The following PTCHD4 variants were observed in gnomAD, a reference collection of about 807,000 sequenced individuals.
PTCHD4 encodes the protein patched domain containing 4.
PTCHD4 carries 33 observed loss-of-function variants against 58.1 expected under a neutral mutation model. The observed-to-expected ratio is 0.57, with a 90% CI of 0.43 to 0.76. The LOEUF (loss-of-function observed/expected upper bound fraction) is 0.76, where lower values mean the gene tolerates loss of function less well. PTCHD4 is among the 30% of genes least tolerant of loss of function. PTCHD4 has a pLI of 0.00. For missense variants in PTCHD4, 1,058 were observed against 1,027.1 expected (o/e 1.03, Z -0.41); for synonymous variants, 478 against 409.6 (o/e 1.17, Z -2.02).
chr6:47,941,100 C>T (rs1377096273), intron 4 of PTCHD4, among the ~76,000 whole-genome samples: 2 of 152,232 alleles, frequency 1.3e-5, no homozygotes, highest in African/African-American at 2.4e-5. Flanking sequence ...TCCGTACTCA[C>T]TCTCCCTCGT....
At chr6:48,042,812 C>T (rs1025377575) in intron 3 of PTCHD4, among the ~76,000 whole-genome samples, 2 of 151,944 alleles carry the variant, frequency 1.3e-5, no homozygotes, top group Admixed American at 1.3e-4. Flanking sequence ...ATAAATATTA[C>T]ATCTATCAAT....
chr6:47,864,329 C>CAT lies in PTCHD4; in HGVS notation c.*13972_*13973dup, dbSNP rs1554146205. Among the ~76,000 whole-genome samples the CAT allele has an allele frequency of 2.6e-5, 4 of 151,116 alleles. No individual in the cohort carries two copies. Among genetic ancestry groups the CAT allele is most frequent in the East Asian group, 2.0e-4 (1 of 5,126 alleles). On this transcript the variant is annotated 3_prime_UTR_variant, in exon 5 of 5. Coordinates refer to ENST00000339488, the MANE Select transcript of PTCHD4 (RefSeq NM_001384253.1). ...AGATATATATATACACACACACACACATATATATATATGGCTATTTCACCT... is the reference window on the plus strand; with the variant it reads ...AGATATATATATACACACACACACACATATATATATATATGGCTATTTCACCT...
chr6:48,008,226 C>T (rs1409591460), intron 4 of PTCHD4, among the ~76,000 whole-genome samples: 1 of 152,086 alleles, frequency 6.6e-6, no homozygotes, highest in African/African-American at 2.4e-5. Flanking sequence ...CATCATTGGT[C>T]CTCAGAATTT....
chr6:47,883,082 T>G (rs1764070809), intron 4 of PTCHD4, among the ~76,000 whole-genome samples: 1 of 152,000 alleles, frequency 6.6e-6, no homozygotes, highest in Non-Finnish European at 1.5e-5. Context: ...AAATATCGAT[T>G]GTATCCAGAA....
chr6:48,062,600 C>T (rs1049571330), intron 3 of PTCHD4, among the ~76,000 whole-genome samples: 1 of 152,048 alleles, frequency 6.6e-6, no homozygotes, highest in African/African-American at 2.4e-5. Flanking sequence ...AAACTAGGCC[C>T]CAGTGCCAAG....
intron 3 of PTCHD4, among the ~76,000 whole-genome samples, chr6:48,052,845 T>G (rs1764279383): frequency 6.6e-6 from 1 of 152,048 alleles, no homozygotes; most frequent in Admixed American, 6.6e-5. Flanking sequence ...GAAAACATCC[T>G]TTCACCTTAT....
At chr6:48,094,014 T>C (rs1347379300) in intron 1 of PTCHD4, among the ~76,000 whole-genome samples, 3 of 152,116 alleles carry the variant, frequency 2.0e-5, no homozygotes, top group Non-Finnish European at 2.9e-5. Context: ...AAATGTGTAA[T>C]AGGGGTGCAT....
At chr6:48,062,927 G>A (rs1427573040) in intron 3 of PTCHD4, among the ~76,000 whole-genome samples, 1 of 152,154 alleles carries the variant, frequency 6.6e-6, no homozygotes, top group Non-Finnish European at 1.5e-5. Context: ...GAAAGAAGCT[G>A]ACGCCTACAT....
chr6:47,965,306 A>G (rs145554967), intron 4 of PTCHD4, among the ~76,000 whole-genome samples: 291 of 152,366 alleles, frequency 1.9e-3, no homozygotes, highest in Middle Eastern at 6.8e-3. Context: ...CAAAGTTGCG[A>G]AAATATCACC....
chr6:47,874,701 G>A lies in PTCHD4; in HGVS notation c.*3602C>T, dbSNP rs1763802209. Among the ~76,000 whole-genome samples, 1 of 151,330 alleles carries A rather than the reference G, an allele frequency of 6.6e-6. No homozygotes were observed. Among genetic ancestry groups the A allele is most frequent in the African/African-American group, 2.4e-5 (1 of 41,262 alleles). On this transcript the variant is annotated 3_prime_UTR_variant, in exon 5 of 5. Transcript: ENST00000339488. ...CACAAGGTAAAAACCTAAATTCTGT[G>A]GAAATAAATGGGAATCAAATAGGAA...
intron 1 of PTCHD4, among the ~76,000 whole-genome samples, chr6:48,101,549 T>C (rs1239888319): frequency 3.3e-5 from 5 of 152,210 alleles, no homozygotes; most frequent in African/African-American, 1.2e-4. Flanking sequence ...TAGTTTTGCT[T>C]CTCATTGTCT....
chr6:48,055,215 G>T (rs556443429), intron 3 of PTCHD4, among the ~76,000 whole-genome samples: 14 of 152,184 alleles, frequency 9.2e-5, no homozygotes, highest in Admixed American at 7.2e-4. Context: ...ATTGTCAATG[G>T]ATGCTTATAA....
chr6:47,979,365 G>A (rs1292242995), intron 4 of PTCHD4, among the ~76,000 whole-genome samples: 1 of 152,016 alleles, frequency 6.6e-6, no homozygotes, highest in Non-Finnish European at 1.5e-5. Flanking sequence ...AACAAATATT[G>A]AACTCTAGTA....
At chr6:48,041,596 C>A (rs1763850535) in intron 3 of PTCHD4, among the ~76,000 whole-genome samples, 1 of 151,990 alleles carries the variant, frequency 6.6e-6, no homozygotes, top group Admixed American at 6.6e-5. Context: ...CAGTTATGTG[C>A]AAATTTCCTC....
At chr6:47,885,282 G>A (rs944005757) in intron 4 of PTCHD4, among the ~76,000 whole-genome samples, 1 of 152,072 alleles carries the variant, frequency 6.6e-6, no homozygotes, top group African/African-American at 2.4e-5. Context: ...GTGTGTGTGT[G>A]TATTGAGTAC....
At chr6:48,083,338 A>C (rs960818203) in intron 1 of PTCHD4, among the ~76,000 whole-genome samples, 1 of 152,074 alleles carries the variant, frequency 6.6e-6, no homozygotes, top group Non-Finnish European at 1.5e-5. Context: ...ATAGTAGAGT[A>C]TAATTTAATT....
At chr6:48,018,905 T>C (rs967148948) in intron 3 of PTCHD4, among the ~76,000 whole-genome samples, 1 of 152,140 alleles carries the variant, frequency 6.6e-6, no homozygotes. Context: ...CCCCCTTCAG[T>C]AGAAAGATTA....
chr6:48,040,299 C>T (rs1485509624), intron 3 of PTCHD4, among the ~76,000 whole-genome samples: 1 of 151,950 alleles, frequency 6.6e-6, no homozygotes, highest in Admixed American at 6.6e-5. Flanking sequence ...ACTATTTTCT[C>T]CTATTGTGAA....
intron 4 of PTCHD4, among the ~76,000 whole-genome samples, chr6:47,971,649 C>T (rs1439490287): frequency 6.6e-6 from 1 of 152,168 alleles, no homozygotes; most frequent in African/African-American, 2.4e-5. Context: ...GGAATAAAAA[C>T]ATTTTCAGAT....
Sources: allele counts gnomAD v4.1 joint callset (sites outside exome capture counted in the v4.1 genomes callset), GRCh38; gene constraint gnomAD v4.1.1; transcripts MANE v1.5; gene names NCBI Gene and HGNC (gene_info 2026-07-23, HGNC 2026-07-21).